GRIN2B: variants seen among roughly 807,000 people sequenced by gnomAD.
GRIN2B encodes the protein glutamate ionotropic receptor NMDA type subunit 2B.
Under a neutral mutation model 114.5 loss-of-function variants are expected in GRIN2B, and 5 were observed. The ratio of observed to expected loss-of-function variants is 0.04; its 90% confidence interval spans 0.02 to 0.09. GRIN2B has a LOEUF of 0.09. GRIN2B is among the 10% of genes least tolerant of loss of function. The pLI is 1.00. For synonymous variants in GRIN2B, 787 were observed against 745.1 expected, an observed-to-expected ratio of 1.06 and a Z score of -0.92; for missense variants, 1,108 against 1,943.5, an observed-to-expected ratio of 0.57 and a Z score of 8.08.
At position 13,805,036 on chromosome 12, in the gene GRIN2B, C is replaced by A. The variant is rs60630191; in HGVS notation, c.412-51121G>T. On this transcript the variant is annotated intron_variant, in intron 3 of 13. Transcript: ENST00000609686. ...TGTTGCTTTTACTATTAGTTTCAGT[C>A]TGGTCTAGCCTTGATTTAATTGTCC... 3.5e-3 allele frequency among the ~76,000 whole-genome samples: 537 copies of A among 152,278 alleles called. 4 individuals are homozygous for A. Among genetic ancestry groups the A allele is most frequent in the African/African-American group, 0.012 (519 of 41,556 alleles).
chr12:13,902,677 G>A (rs1165914046), intron 2 of GRIN2B, among the ~76,000 whole-genome samples: 4 of 152,078 alleles, frequency 2.6e-5, no homozygotes, highest in Non-Finnish European at 4.4e-5. Context: ...CAGGTGTGGT[G>A]GCCTGCGCCT....
chr12:13,761,990 A>G (rs930684993), intron 3 of GRIN2B, among the ~76,000 whole-genome samples: 7 of 152,114 alleles, frequency 4.6e-5, no homozygotes, highest in Admixed American at 3.9e-4. Flanking sequence ...AAACCTAATA[A>G]CCAAAGGGAA....
At position 13,615,193 on chromosome 12, in the gene GRIN2B, G is replaced by A. The variant is rs775628661; in HGVS notation, c.1575C>T (p.Phe525=). The A allele has an allele frequency of 1.9e-6, 3 of 1,613,366 alleles. No homozygotes were observed. In the South Asian group the frequency reaches 3.3e-5, roughly 18 times the overall value. Residue 525 remains phenylalanine (F), a synonymous_variant, in exon 8 of 14, where the codon TTC becomes TTT. Coordinates refer to ENST00000609686, the MANE Select transcript of GRIN2B (RefSeq NM_000834.5). The surrounding 1 kb of genome is among the most constrained non-coding windows in gnomAD (Gnocchi z 5.8). Reference sequence around the variant, plus strand: ...TGCCTGTCTCTATGAAGGGCACAGAGAAGTCGACCACCTCCGATCGTTCCT... The same window carrying A: ...TGCCTGTCTCTATGAAGGGCACAGAAAAGTCGACCACCTCCGATCGTTCCT... ...INEERSEVVD[F]SVPFIETGIS...
chr12:13,672,090 G>T (rs1434397975), intron 5 of GRIN2B, among the ~76,000 whole-genome samples: 2 of 152,044 alleles, frequency 1.3e-5, no homozygotes, highest in African/African-American at 2.4e-5. Context: ...ACAAGCTCAG[G>T]TTCCTGTGTG....
At chr12:13,979,520 G>T (rs1164493281) in intron 2 of GRIN2B, among the ~76,000 whole-genome samples, 1 of 131,956 alleles carries the variant, frequency 7.6e-6, no homozygotes, top group African/African-American at 3.0e-5. Context: ...GGGGAATAAA[G>T]CCAACCTGAA....
chr12:13,894,908 A>G (rs1236858987), intron 2 of GRIN2B, among the ~76,000 whole-genome samples: 4 of 152,212 alleles, frequency 2.6e-5, no homozygotes, highest in African/African-American at 4.8e-5. Flanking sequence ...CATATTTCCC[A>G]GTCTTGACTG....
At chr12:13,978,042 C>G (rs942019941) in intron 2 of GRIN2B, among the ~76,000 whole-genome samples, 14 of 152,154 alleles carry the variant, frequency 9.2e-5, no homozygotes, top group African/African-American at 2.2e-4. Context: ...GCATCCTTGT[C>G]AAACCCATCA....
At chr12:13,589,604 T>C (rs1028003855) in intron 10 of GRIN2B, among the ~76,000 whole-genome samples, 1 of 152,230 alleles carries the variant, frequency 6.6e-6, no homozygotes, top group African/African-American at 2.4e-5. Context: ...ATCTATCTGA[T>C]GAATGAATAA....
At chr12:13,749,985 G>A (rs1401776309) in intron 4 of GRIN2B, among the ~76,000 whole-genome samples, 2 of 152,204 alleles carry the variant, frequency 1.3e-5, no homozygotes, top group African/African-American at 2.4e-5. Flanking sequence ...AGACATCCAA[G>A]AGATGTCCAG....
chr12:13,945,417 C>T (rs1376179848), intron 2 of GRIN2B, among the ~76,000 whole-genome samples: 1 of 152,282 alleles, frequency 6.6e-6, no homozygotes, highest in East Asian at 1.9e-4. Context: ...GGTGTTACTG[C>T]TTGAGTCTGG....
intron 4 of GRIN2B, 120 bp from the exon 5 acceptor site, chr12:13,675,979 C>A (rs1042260830): frequency 1.9e-5 from 13 of 684,954 alleles, no homozygotes; most frequent in Non-Finnish European, 5.3e-6. Context: ...AATACAGATA[C>A]CATTATCAAA....
intron 2 of GRIN2B, among the ~76,000 whole-genome samples, chr12:13,922,114 C>T (rs1214120724): frequency 6.6e-6 from 1 of 152,072 alleles, no homozygotes; most frequent in Non-Finnish European, 1.5e-5. Flanking sequence ...AGTAAGCTCT[C>T]CTATATAATA....
In GRIN2B at chr12:13,569,778, G is replaced by A. The variant is rs1948683979; in HGVS notation, c.2359+52C>T. 15 of 1,109,452 alleles carry A rather than the reference G, an allele frequency of 1.4e-5. No homozygotes were observed. In the South Asian group the frequency reaches 2.2e-4, roughly 17 times the overall value. The allele number at this position is 1,109,452 out of a possible 1,614,324, so 68.7% of individuals were successfully genotyped here. On this transcript the variant is annotated intron_variant, in intron 12 of 13. Transcript: ENST00000609686. ...GAAGAAAAGGAAAGGTTGATGTTTT[G>A]GACTGGCCATCAGTAGAGGACAAAT... is the stretch of plus-strand genomic sequence containing the variant.
chr12:13,916,737 T>TGTGTGTGTGTGTG (rs1555156758), intron 2 of GRIN2B, among the ~76,000 whole-genome samples: 2 of 139,900 alleles, frequency 1.4e-5, no homozygotes, highest in Admixed American at 7.1e-5. Flanking sequence ...ACACACACAT[T>TGTGTGTGTGTGTG]TGTGTGTGTG....
chr12:13,598,619 C>T (rs1333195170), intron 10 of GRIN2B, among the ~76,000 whole-genome samples: 3 of 152,142 alleles, frequency 2.0e-5, no homozygotes, highest in African/African-American at 7.2e-5. Flanking sequence ...CCAACAGCTA[C>T]CCCACCCCCT....
chr12:13,632,498 A>G (rs1949624514), intron 5 of GRIN2B, among the ~76,000 whole-genome samples: 1 of 152,220 alleles, frequency 6.6e-6, no homozygotes, highest in African/African-American at 2.4e-5. Flanking sequence ...CACTGCTTCC[A>G]CAGTTAACTT....
intron 4 of GRIN2B, among the ~76,000 whole-genome samples, chr12:13,731,039 G>C (rs1463354501): frequency 6.6e-6 from 1 of 152,086 alleles, no homozygotes; most frequent in Non-Finnish European, 1.5e-5. Flanking sequence ...AACTATAGCT[G>C]ATGTTCAAGG....
chr12:13,973,359 G>A (rs190965036), intron 2 of GRIN2B, among the ~76,000 whole-genome samples: 113 of 152,326 alleles, frequency 7.4e-4, no homozygotes, highest in African/African-American at 2.6e-3. Context: ...AGGATGGCGT[G>A]TAGACAGCAT....
chr12:13,658,800 C>T (rs1949892661), intron 5 of GRIN2B, among the ~76,000 whole-genome samples: 3 of 151,686 alleles, frequency 2.0e-5, no homozygotes. Context: ...CATTTCTTCC[C>T]AATGATGCAT....
Sources: gnomAD v4.1 joint callset for allele counts (sites outside exome capture counted in the v4.1 genomes callset) on GRCh38, gnomAD v4.1.1 for gene constraint, Gnocchi (gnomAD v3.1) non-coding constraint, MANE v1.5 for transcripts, NCBI Gene and HGNC (gene_info 2026-07-23, HGNC 2026-07-21) for gene names.